The following KIF26B variants were observed in gnomAD, a reference collection of about 807,000 sequenced individuals.
KIF26B encodes the protein kinesin-like protein KIF26B.
Under a neutral mutation model 151.2 loss-of-function variants are expected in KIF26B, and 63 were observed. That is an observed-to-expected ratio of 0.42 (90% confidence interval 0.34 to 0.51). The LOEUF is 0.51. KIF26B is among the 20% of genes least tolerant of loss of function. The probability of loss-of-function intolerance (pLI) is 0.07; values close to 1 mark genes in which losing one functional copy is unlikely to be tolerated. For missense variants in KIF26B, 2,813 were observed against 2,913.6 expected (o/e 0.97, Z 0.79); for synonymous variants, 1,357 against 1,262.1 (o/e 1.08, Z -1.59).
chr1:245,505,943 C>T (rs193228165), intron 4 of KIF26B, among the ~76,000 whole-genome samples: 1 of 152,188 alleles, frequency 6.6e-6, no homozygotes, highest in African/African-American at 2.4e-5. Flanking sequence ...TGAGGTATTT[C>T]CCACAGGGAA....
In KIF26B at chr1:245,540,287, T is replaced by C. The variant is rs1661584165; in HGVS notation, c.1167-480T>C. Among the ~76,000 whole-genome samples the C allele has an allele frequency of 6.6e-6, 1 of 152,216 alleles. No homozygotes were observed. The highest frequency in any genetic ancestry group is 6.5e-5 in the Admixed American group (1 of 15,292). ...GTTGCACTGGGGCTTGTGTTTTTCT[T>C]CCAGTGCCCTGTACATAGCATGCCT... is the stretch of plus-strand genomic sequence containing the variant. On this transcript the variant is annotated intron_variant, in intron 4 of 14. Coordinates refer to ENST00000407071, the MANE Select transcript of KIF26B (RefSeq NM_018012.4). This position sits in a 1 kb window ranked among gnomAD's most constrained non-coding sequence, Gnocchi z 4.6.
intron 3 of KIF26B, among the ~76,000 whole-genome samples, chr1:245,413,288 C>T (rs1032943144): frequency 1.3e-5 from 2 of 152,164 alleles, no homozygotes; most frequent in Non-Finnish European, 2.9e-5. Context: ...CAGGAAGAAT[C>T]ATGTATCTTT....
At chr1:245,287,492 C>CTTTTTTTTT (rs1217976453) in intron 2 of KIF26B, among the ~76,000 whole-genome samples, 9 of 136,532 alleles carry the variant, frequency 6.6e-5, no homozygotes, top group Non-Finnish European at 7.8e-5. Context: ...TCTCATCTCT[C>CTTTTTTTTT]TCTCTCTTTT....
Position 245,602,618 on chromosome 1 carries a change from T to C in KIF26B, c.1392T>C (p.Asp464=), listed in dbSNP as rs1035212313. 1 of 1,613,856 alleles carries C rather than the reference T, an allele frequency of 6.2e-7. No individual in the cohort carries two copies. The highest frequency in any genetic ancestry group is 8.5e-7 in the Non-Finnish European group (1 of 1,179,856). ...MLRICSTLAR[D]TSESSSFLKV... is the part of the protein sequence containing the mutation. The stretch of plus-strand genomic sequence containing the variant: ...GCATCTGTTCCACCTTGGCTCGAGA[T>C]ACTTCAGAATCCAGCTCTTTCTTAA... Residue 464 remains aspartate, a synonymous_variant, in exon 6 of 15, where the codon GAT becomes GAC. Transcript: ENST00000407071. The surrounding 1 kb of genome is among the most constrained non-coding windows in gnomAD (Gnocchi z 4.5).
chr1:245,394,643 A>G (rs1047562786), intron 3 of KIF26B, among the ~76,000 whole-genome samples: 8 of 151,612 alleles, frequency 5.3e-5, no homozygotes, highest in African/African-American at 1.9e-4. Context: ...AAATAAAAAT[A>G]TAAAAATATA....
intron 4 of KIF26B, among the ~76,000 whole-genome samples, chr1:245,469,722 A>G (rs1276064958): frequency 6.6e-6 from 1 of 152,172 alleles, no homozygotes; most frequent in Non-Finnish European, 1.5e-5. Flanking sequence ...ACTTCTGTCT[A>G]TCCTTGATTG....
At chr1:245,652,875 C>T (rs35338958) in intron 10 of KIF26B, among the ~76,000 whole-genome samples, 17,131 of 152,134 alleles carry the variant, frequency 0.11, 1,093 homozygotes, top group African/African-American at 0.13. Context: ...CTGCAGCAGC[C>T]GTTGTGGCGT....
intron 3 of KIF26B, among the ~76,000 whole-genome samples, chr1:245,390,906 A>T (rs1673669008): frequency 6.8e-6 from 1 of 146,390 alleles, no homozygotes; most frequent in Admixed American, 6.9e-5. Flanking sequence ...TGGGCAATAT[A>T]ACAAGACCCT....
intron 4 of KIF26B, among the ~76,000 whole-genome samples, chr1:245,538,623 G>T (rs1461800968): frequency 6.6e-6 from 1 of 152,106 alleles, no homozygotes; most frequent in Non-Finnish European, 1.5e-5. Context: ...CCCTTCCCCT[G>T]TCTGTCTCTC....
chr1:245,258,373 C>T (rs1037813228), intron 2 of KIF26B, among the ~76,000 whole-genome samples: 1 of 152,072 alleles, frequency 6.6e-6, no homozygotes, highest in Non-Finnish European at 1.5e-5. Context: ...AGAGTGCATG[C>T]GGGAGGAGGC....
At chr1:245,629,541 A>G (rs116696403) in intron 9 of KIF26B, among the ~76,000 whole-genome samples, 2,414 of 152,334 alleles carry the variant, frequency 0.016, 58 homozygotes, top group African/African-American at 0.054. Flanking sequence ...AGCTAGCCGT[A>G]TGCAGAAAAC....
At chr1:245,549,458 A>C (rs564628168) in intron 5 of KIF26B, among the ~76,000 whole-genome samples, 2 of 152,308 alleles carry the variant, frequency 1.3e-5, no homozygotes, top group South Asian at 4.2e-4. Flanking sequence ...AGGAGAATGG[A>C]AACAGTAGGT....
At chr1:245,665,304 A>G (rs2044200417) in intron 10 of KIF26B, among the ~76,000 whole-genome samples, 1 of 152,214 alleles carries the variant, frequency 6.6e-6, no homozygotes, top group Non-Finnish European at 1.5e-5. Flanking sequence ...CAAGCCATCA[A>G]AATTTAGATG....
rs1460653668 is a variant in KIF26B at position 245,241,306 on chromosome 1, C to G, written c.465+84623C>G. On this transcript the variant is annotated intron_variant, in intron 2 of 14. Transcript: ENST00000407071. The surrounding 1 kb of genome is among the most constrained non-coding windows in gnomAD (Gnocchi z 5.0). ...AGAGGGTGCCCCGACAGAGGAAAAG[C>G]GGCCGGTGGGTTTTAGATCCTCATT... 6.6e-6 allele frequency among the ~76,000 whole-genome samples: 1 copy of G among 152,052 alleles called. No homozygotes were observed. The highest frequency in any genetic ancestry group is 1.5e-5 in the Non-Finnish European group (1 of 68,014).
At chr1:245,464,667 T>C (rs1023629254) in intron 4 of KIF26B, among the ~76,000 whole-genome samples, 2 of 150,234 alleles carry the variant, frequency 1.3e-5, no homozygotes, top group Admixed American at 6.6e-5. Context: ...TGTGTGTGTG[T>C]GGGTGTGTGC....
chr1:245,644,886 C>T (rs2043930326), intron 9 of KIF26B, among the ~76,000 whole-genome samples: 1 of 152,204 alleles, frequency 6.6e-6, no homozygotes, highest in African/African-American at 2.4e-5. Context: ...ATTCTGCTCA[C>T]AGTTCTGCAA....
At chr1:245,599,272 A>AG (rs1425168223) in intron 5 of KIF26B, among the ~76,000 whole-genome samples, 5 of 152,224 alleles carry the variant, frequency 3.3e-5, no homozygotes, top group African/African-American at 1.2e-4. Flanking sequence ...CCTTCCTTTA[A>AG]GGGAAAAAAA....
At chr1:245,340,281 T>C (rs1672310353) in intron 2 of KIF26B, among the ~76,000 whole-genome samples, 1 of 152,218 alleles carries the variant, frequency 6.6e-6, no homozygotes, top group Non-Finnish European at 1.5e-5. Flanking sequence ...ATGCCTAGAT[T>C]ACCTATAATA....
At position 245,199,507 on chromosome 1, in the gene KIF26B, G is replaced by T. The variant is rs543373830; in HGVS notation, c.465+42824G>T. ...CTTTGGTTTTTTTTTTTTTGAGATG[G>T]CCTCTCTGTTGCCCAGGCTGGAGTG... On this transcript the variant is annotated intron_variant, in intron 2 of 14. Coordinates refer to ENST00000407071, the MANE Select transcript of KIF26B (RefSeq NM_018012.4). 2.7e-4 allele frequency among the ~76,000 whole-genome samples: 40 copies of T among 150,510 alleles called. No homozygotes were observed. The South Asian group carries it at 8.2e-3, about 31-fold the overall frequency.
Sources: allele counts gnomAD v4.1 joint callset (sites outside exome capture counted in the v4.1 genomes callset), GRCh38; gene constraint gnomAD v4.1.1; non-coding constraint Gnocchi (gnomAD v3.1); transcripts MANE v1.5; gene names NCBI Gene and HGNC (gene_info 2026-07-23, HGNC 2026-07-21).